The following PLA2R1 variants were observed in gnomAD, a reference collection of about 807,000 sequenced individuals.
The protein encoded by PLA2R1 is secretory phospholipase A2 receptor.
A neutral mutation model predicts 195.9 loss-of-function variants in PLA2R1; 158 were observed. That is an observed-to-expected ratio of 0.81 (90% CI 0.71 to 0.92). The LOEUF (loss-of-function observed/expected upper bound fraction) is 0.92. PLA2R1 is among the 40% of genes least tolerant of loss of function. PLA2R1 has a pLI of 0.00. For missense variants in PLA2R1, 1,626 were observed against 1,764.6 expected (o/e 0.92, Z 1.41); for synonymous variants, 586 against 598.2 (o/e 0.98, Z 0.30).
In PLA2R1 at chr2:159,987,256, G is replaced by A. The variant is rs1199063046; in HGVS notation, c.1937C>T (p.Pro646Leu). The A allele has an allele frequency of 6.2e-7, 1 of 1,613,508 alleles. No homozygotes were observed. Among genetic ancestry groups the A allele is most frequent in the Non-Finnish European group, 8.5e-7 (1 of 1,179,800 alleles). The change falls in exon 12 of 30, where the codon CCA becomes CTA. Residue 646 changes from proline to leucine, a missense_variant. Physicochemically the swap from Pro to Leu is moderately conservative, Grantham distance 98. Transcript: ENST00000283243. ...CTCTGCTTTTTCCTGATTTTCAACT[G>A]GCTGCTTGCACAAGGACATTGCCTT... is the stretch of plus-strand genomic sequence containing the variant. ...HFKAMSLCKQ[P>L]VENQEKAEYE...
chr2:160,035,980 T>C (rs1364866520), intron 3 of PLA2R1, among the ~76,000 whole-genome samples: 1 of 152,198 alleles, frequency 6.6e-6, no homozygotes, highest in Non-Finnish European at 1.5e-5. Context: ...TGACTTCCCA[T>C]GCCTGGCTAC....
intron 3 of PLA2R1, among the ~76,000 whole-genome samples, chr2:160,041,248 T>C (rs966207627): frequency 2.0e-5 from 3 of 152,162 alleles, no homozygotes; most frequent in African/African-American, 7.2e-5. Context: ...GCATGGGAGA[T>C]GAAGACTGTA....
At chr2:160,022,994 A>G in intron 6 of PLA2R1, 135 bp from the exon 7 acceptor site, 1 of 618,898 alleles carries the variant, frequency 1.6e-6, no homozygotes, top group South Asian at 2.3e-5. Context: ...GACATATATC[A>G]TGGAATTCTA....
Position 159,936,180 on chromosome 2 carries a change from C to G in PLA2R1, c.*5598G>C, listed in dbSNP as rs1394011174. On this transcript the variant is annotated 3_prime_UTR_variant, in exon 30 of 30. Transcript: ENST00000283243. Reference sequence around the variant, plus strand: ...TGTTAGCCAGGATGGTCTCGATCTCCTCACCTCGTGATCCACCCGCCTCGG... The same window carrying G: ...TGTTAGCCAGGATGGTCTCGATCTCGTCACCTCGTGATCCACCCGCCTCGG... 1 of 152,088 alleles carries G rather than the reference C, an allele frequency of 6.6e-6. No individual in the cohort carries two copies. The allele number at this position is 152,088 out of a possible 1,614,324, so 9.4% of individuals were successfully genotyped here. A position where few individuals can be genotyped will look rare whatever the true frequency, so the allele number is the denominator to read the frequency against.
chr2:160,033,416 G>A (rs147344439), intron 3 of PLA2R1, among the ~76,000 whole-genome samples: 41 of 152,336 alleles, frequency 2.7e-4, no homozygotes, highest in Non-Finnish European at 5.0e-4. Context: ...AGAGAAGGAA[G>A]TAGAAGCGAA....
chr2:159,947,616 T>C, intron 25 of PLA2R1, 57 bp from the exon 26 acceptor site: 1 of 1,456,504 alleles, frequency 6.9e-7, no homozygotes, highest in Non-Finnish European at 9.6e-7. Flanking sequence ...TTTATTGAGA[T>C]AAATATTACA....
intron 26 of PLA2R1, 81 bp downstream of exon 26, chr2:159,947,338 T>C: frequency 8.4e-7 from 1 of 1,186,530 alleles, no homozygotes. Flanking sequence ...AATAATGGGA[T>C]GAATAAAGAA....
At chr2:159,979,135 G>A (rs188171982) in intron 14 of PLA2R1, among the ~76,000 whole-genome samples, 2 of 152,218 alleles carry the variant, frequency 1.3e-5, no homozygotes, top group East Asian at 3.9e-4. Flanking sequence ...CCATTTCACA[G>A]GTGAAAGTGA....
chr2:159,962,970 C>T (rs547858234), intron 20 of PLA2R1, among the ~76,000 whole-genome samples: 30 of 152,106 alleles, frequency 2.0e-4, no homozygotes, highest in Admixed American at 6.6e-4. Context: ...CACCATGGCA[C>T]GTGTATATCT....
At chr2:159,989,254 G>T (rs117513157) in intron 11 of PLA2R1, among the ~76,000 whole-genome samples, 8 of 152,282 alleles carry the variant, frequency 5.3e-5, no homozygotes, top group East Asian at 3.9e-4. Context: ...AGCTTTGCAG[G>T]CCTGTTGAAT....
rs111324125 is a variant in PLA2R1 at position 159,951,588 on chromosome 2, G to C, written c.3302-10C>G. 11 of 1,360,440 alleles carry C rather than the reference G, an allele frequency of 8.1e-6. No individual in the cohort carries two copies. Among genetic ancestry groups the C allele is most frequent in the African/African-American group, 7.0e-5 (5 of 71,454 alleles). 84.3% of individuals were successfully genotyped at this position (1,360,440 alleles called of 1,614,324 possible). ...CCGTGTCCAGAAGTATCTAGAACAA[G>C]AACAGCAACAAAAGTCATTTGCAGC... On this transcript the variant is annotated splice_polypyrimidine_tract_variant and intron_variant, in intron 23 of 29. Coordinates refer to ENST00000283243, the MANE Select transcript of PLA2R1 (RefSeq NM_007366.5).
intron 20 of PLA2R1, among the ~76,000 whole-genome samples, chr2:159,962,224 G>A (rs903648302): frequency 2.0e-5 from 3 of 152,158 alleles, no homozygotes; most frequent in South Asian, 2.1e-4. Flanking sequence ...AGTGGGCCAA[G>A]GAGATGAACA....
chr2:160,001,277 T>C lies in PLA2R1; in HGVS notation c.1834+4375A>G, dbSNP rs555889757. On this transcript the variant is annotated intron_variant, in intron 11 of 29. Coordinates refer to ENST00000283243, the MANE Select transcript of PLA2R1 (RefSeq NM_007366.5). ...TTGTTAAGAATGCATGTTGAATAGC[T>C]AGTGTAACAAATAAAAAAATAGATT... 2.8e-3 allele frequency among the ~76,000 whole-genome samples: 428 copies of C among 152,132 alleles called. 2 individuals carry two copies. The highest frequency in any genetic ancestry group is 0.01 in the African/African-American group (417 of 41,546).
At position 159,941,786 on chromosome 2, in the gene PLA2R1, C is replaced by T. The variant is rs545560852; in HGVS notation, c.4384G>A (p.Asp1462Asn). ...ATTCTCTGACCTCATTATTATTGGT[C>T]ACTCTTCTCAAGATCAGAAATGAGA... Reference protein sequence around the residue: ...NILISDLEKSDQ With the variant: ...NILISDLEKSNQ The change falls in exon 30 of 30, where the codon GAC (aspartate) becomes AAC (asparagine). Residue 1462 changes from aspartate (D) to asparagine (N), a missense_variant. Coordinates refer to ENST00000283243, the MANE Select transcript of PLA2R1 (RefSeq NM_007366.5). The T allele has an allele frequency of 1.3e-6, 2 of 1,564,686 alleles. No homozygotes were observed. The highest frequency in any genetic ancestry group is 2.2e-5 in the South Asian group (2 of 89,638).
At chr2:159,982,036 C>T (rs980308646) in intron 13 of PLA2R1, among the ~76,000 whole-genome samples, 33 of 152,134 alleles carry the variant, frequency 2.2e-4, no homozygotes, top group African/African-American at 7.5e-4. Flanking sequence ...TTCTGCTAGA[C>T]ATTTCAAGCA....
At chr2:159,969,116 T>C (rs1040534548) in intron 19 of PLA2R1, 140 bp downstream of exon 19, 2 of 571,542 alleles carry the variant, frequency 3.5e-6, no homozygotes, top group East Asian at 3.0e-5. Context: ...TTAAGCCTTA[T>C]GGCAGACAAA....
chr2:159,987,080 A>C, intron 12 of PLA2R1, 76 bp downstream of exon 12: 1 of 1,184,342 alleles, frequency 8.4e-7, no homozygotes. Flanking sequence ...CCCCGGAATA[A>C]AGGAATTTGG....
At chr2:159,961,753 G>A (rs1369756819) in intron 20 of PLA2R1, among the ~76,000 whole-genome samples, 3 of 152,074 alleles carry the variant, frequency 2.0e-5, no homozygotes, top group Admixed American at 6.6e-5. Flanking sequence ...CACTCTCTAC[G>A]TGTGTACAGG....
chr2:160,015,011 C>G (rs1459778461), intron 9 of PLA2R1, among the ~76,000 whole-genome samples: 4 of 152,222 alleles, frequency 2.6e-5, no homozygotes, highest in Non-Finnish European at 5.9e-5. Flanking sequence ...ACAAAAAAAT[C>G]CAATAACTGA....
Sources: gnomAD v4.1 joint callset for allele counts (sites outside exome capture counted in the v4.1 genomes callset) on GRCh38, gnomAD v4.1.1 for gene constraint, MANE v1.5 for transcripts, NCBI Gene and HGNC (gene_info 2026-07-23, HGNC 2026-07-21) for gene names.